HEPHL1: variants seen among roughly 807,000 people sequenced by gnomAD.
HEPHL1 encodes the protein hephaestin like 1, also known as ferroxidase HEPHL1.
HEPHL1 carries 123 observed loss-of-function variants against 122.0 expected under a neutral mutation model. That is an observed-to-expected ratio of 1.01 (90% CI 0.87 to 1.17). HEPHL1 has a LOEUF of 1.17. HEPHL1 is among the 50% of genes most tolerant of loss of function. The pLI is 0.00. For missense variants in HEPHL1, 1,452 were observed against 1,430.5 expected, an observed-to-expected ratio of 1.01 and a Z score of -0.24; for synonymous variants, 527 against 508.9, an observed-to-expected ratio of 1.04 and a Z score of -0.48.
intron 2 of HEPHL1, among the ~76,000 whole-genome samples, chr11:94,052,867 G>T (rs750784648): frequency 3.9e-5 from 6 of 152,100 alleles, no homozygotes; most frequent in Admixed American, 2.6e-4. Flanking sequence ...TATGCTGATG[G>T]ATGCAATTTG....
intron 10 of HEPHL1, among the ~76,000 whole-genome samples, chr11:94,084,672 T>C (rs1325048124): frequency 6.6e-6 from 1 of 152,218 alleles, no homozygotes; most frequent in African/African-American, 2.4e-5. Context: ...GAAGATTCTC[T>C]ACCAGCCAGC....
chr11:94,030,781 T>G lies in HEPHL1; in HGVS notation c.170+9243T>G, dbSNP rs182497070. Among the ~76,000 whole-genome samples, 10 of 152,274 alleles carry G rather than the reference T, an allele frequency of 6.6e-5. No individual in the cohort carries two copies. The East Asian group carries it at 1.9e-3, about 29-fold the overall frequency. Reference sequence around the variant, plus strand: ...TATCCCATTCTCTTGCACAGGGAAATGTAAGTCTTTGCCTTATAGAGTGGG... The same window carrying G: ...TATCCCATTCTCTTGCACAGGGAAAGGTAAGTCTTTGCCTTATAGAGTGGG... On this transcript the variant is annotated intron_variant, in intron 1 of 19. Coordinates refer to ENST00000315765, the MANE Select transcript of HEPHL1 (RefSeq NM_001098672.2).
chr11:94,034,118 G>A (rs1029751605), intron 1 of HEPHL1, among the ~76,000 whole-genome samples: 7 of 152,196 alleles, frequency 4.6e-5, no homozygotes, highest in Non-Finnish European at 7.3e-5. Context: ...AAAGAGGGAG[G>A]AAATGAGGTT....
At chr11:94,051,913 T>G (rs1336512754) in intron 2 of HEPHL1, among the ~76,000 whole-genome samples, 6 of 152,134 alleles carry the variant, frequency 3.9e-5, no homozygotes, top group African/African-American at 1.2e-4. Context: ...CCCCAGTGTG[T>G]GTTCTTGGCA....
At chr11:94,069,141 A>G (rs1221331851) in intron 5 of HEPHL1, among the ~76,000 whole-genome samples, 1 of 152,244 alleles carries the variant, frequency 6.6e-6, no homozygotes, top group Non-Finnish European at 1.5e-5. Context: ...ATTAGCTGCC[A>G]TTTGAGACTA....
intron 5 of HEPHL1, among the ~76,000 whole-genome samples, chr11:94,068,490 C>T (rs1203790482): frequency 6.6e-6 from 1 of 152,078 alleles, no homozygotes; most frequent in Non-Finnish European, 1.5e-5. Context: ...GTTGAATGAC[C>T]TGGTCCTGGT....
intron 2 of HEPHL1, among the ~76,000 whole-genome samples, chr11:94,054,468 C>A (rs1945918742): frequency 6.6e-6 from 1 of 152,224 alleles, no homozygotes; most frequent in Admixed American, 6.5e-5. Flanking sequence ...ACACTTGTTT[C>A]CACTGGTCAC....
At chr11:94,075,882 A>G (rs2134435492) in intron 9 of HEPHL1, among the ~76,000 whole-genome samples, 1 of 152,320 alleles carries the variant, frequency 6.6e-6, no homozygotes, top group Non-Finnish European at 1.5e-5. Context: ...AAGGAAAAAG[A>G]AAGCATTTAG....
Position 94,104,657 on chromosome 11 carries a change from T to C in HEPHL1, c.2812T>C (p.Trp938Arg), listed in dbSNP as rs546028170. ...LFLVFNENESWYLDDNIKKYL... is the reference protein window; with the variant it reads ...LFLVFNENESRYLDDNIKKYL... ...TTTGGTATTTAATGAGAATGAATCC[T>C]GGTATCTGGATGACAATATTAAGAA... The change falls in exon 16 of 20, where the codon TGG becomes CGG. Residue 938 changes from tryptophan (W) to arginine (R), a missense_variant. Coordinates refer to ENST00000315765, the MANE Select transcript of HEPHL1 (RefSeq NM_001098672.2). 6.2e-7 allele frequency: 1 copy of C among 1,613,328 alleles called. No individual in the cohort carries two copies. Among genetic ancestry groups the C allele is most frequent in the Admixed American group, 1.7e-5 (1 of 60,026 alleles).
At chr11:94,068,399 T>C (rs1946051210) in intron 5 of HEPHL1, among the ~76,000 whole-genome samples, 1 of 152,174 alleles carries the variant, frequency 6.6e-6, no homozygotes, top group Admixed American at 6.6e-5. Flanking sequence ...CTTCCTCAAA[T>C]TGAGACAAAA....
intron 5 of HEPHL1, among the ~76,000 whole-genome samples, chr11:94,068,500 T>C (rs954661621): frequency 2.6e-5 from 4 of 152,132 alleles, no homozygotes; most frequent in Non-Finnish European, 5.9e-5. Flanking sequence ...CTGGTCCTGG[T>C]TTCTTCAGAC....
intron 3 of HEPHL1, 114 bp downstream of exon 3, chr11:94,063,834 G>C: frequency 1.2e-6 from 1 of 839,400 alleles, no homozygotes; most frequent in South Asian, 1.6e-5. Context: ...AATTTCTTTA[G>C]AAATTCTGAC....
chr11:94,106,260 G>C (rs1263190337), intron 17 of HEPHL1, 130 bp downstream of exon 17: 5 of 584,220 alleles, frequency 8.6e-6, no homozygotes, highest in Non-Finnish European at 1.4e-5. Context: ...AGAATAATGT[G>C]ATTGTACCGT....
chr11:94,097,366 ACTGT>A (rs909467112), intron 13 of HEPHL1, among the ~76,000 whole-genome samples: 2 of 152,214 alleles, frequency 1.3e-5, no homozygotes, highest in Non-Finnish European at 2.9e-5. Flanking sequence ...GTTTGATTGC[ACTGT>A]GGTCTGAGAG....
chr11:94,102,625 G>GA (rs1946376879), intron 14 of HEPHL1, among the ~76,000 whole-genome samples: 1 of 152,108 alleles, frequency 6.6e-6, no homozygotes, highest in Non-Finnish European at 1.5e-5. Flanking sequence ...ATTTAAGGAG[G>GA]AAAAACAGTG....
intron 2 of HEPHL1, among the ~76,000 whole-genome samples, chr11:94,048,210 C>T (rs942077043): frequency 6.6e-6 from 1 of 152,124 alleles, no homozygotes; most frequent in African/African-American, 2.4e-5. Flanking sequence ...GTATATACCA[C>T]ACTTTGTTTA....
intron 2 of HEPHL1, among the ~76,000 whole-genome samples, chr11:94,054,734 T>C (rs1397440037): frequency 6.6e-6 from 1 of 152,190 alleles, no homozygotes. Flanking sequence ...CCAATTGCAG[T>C]ACCTAGGCTG....
At chr11:94,033,666 A>G (rs1255879793) in intron 1 of HEPHL1, among the ~76,000 whole-genome samples, 2 of 152,214 alleles carry the variant, frequency 1.3e-5, no homozygotes, top group Non-Finnish European at 2.9e-5. Context: ...TATGCTTTTC[A>G]GCAAATAGAG....
intron 19 of HEPHL1, 31 bp from the exon 20 acceptor site, chr11:94,111,661 C>T (rs1291705295): frequency 1.2e-6 from 2 of 1,611,678 alleles, no homozygotes. Flanking sequence ...TCAAAAATGT[C>T]AGGGGCCTGA....
Sources: allele counts gnomAD v4.1 joint callset (sites outside exome capture counted in the v4.1 genomes callset), GRCh38; gene constraint gnomAD v4.1.1; transcripts MANE v1.5; gene names NCBI Gene and HGNC (gene_info 2026-07-23, HGNC 2026-07-21).